The following EPHB1 variants were observed in gnomAD, a reference collection of about 807,000 sequenced individuals.
EPHB1 encodes EPH receptor B1.
In EPHB1, 30 loss-of-function variants were observed where a neutral mutation model predicts 94.4. That is an observed-to-expected ratio of 0.32 (90% CI 0.24 to 0.43). EPHB1 has a LOEUF of 0.43. Ranked by LOEUF, EPHB1 falls within the 20% of genes least tolerant of loss-of-function variation. The pLI is 1.00. For synonymous variants in EPHB1, 522 were observed against 489.1 expected (o/e 1.07, Z -0.89); for missense variants, 1,055 against 1,308.3 (o/e 0.81, Z 2.99).
chr3:135,041,596 C>T (rs1936845316), intron 3 of EPHB1, among the ~76,000 whole-genome samples: 1 of 152,068 alleles, frequency 6.6e-6, no homozygotes, highest in Admixed American at 6.5e-5. Context: ...GATTTGAGAC[C>T]CCAAATAGGA....
At chr3:134,988,664 C>G (rs1227266549) in intron 3 of EPHB1, among the ~76,000 whole-genome samples, 1 of 152,140 alleles carries the variant, frequency 6.6e-6, no homozygotes, top group Non-Finnish European at 1.5e-5. Context: ...TCAGGTAACC[C>G]TATCATGCGG....
At chr3:135,154,094 GC>G in intron 5 of EPHB1, 57 bp from the exon 6 acceptor site, 1 of 1,605,862 alleles carries the variant, frequency 6.2e-7, no homozygotes, top group South Asian at 1.1e-5. Context: ...CTGGAAGATG[GC>G]CCTTCCCCTA....
At chr3:134,854,020 GTTC>G (rs2037050819) in intron 1 of EPHB1, among the ~76,000 whole-genome samples, 2 of 152,148 alleles carry the variant, frequency 1.3e-5, no homozygotes, top group African/African-American at 4.8e-5. Flanking sequence ...AGGCACACAT[GTTC>G]TTCTCCTGCC....
intron 3 of EPHB1, among the ~76,000 whole-genome samples, chr3:134,952,989 C>A (rs933533146): frequency 2.6e-5 from 4 of 152,136 alleles, no homozygotes; most frequent in African/African-American, 9.7e-5. Flanking sequence ...CTTCAAAGGT[C>A]CTGATTCTTT....
chr3:135,048,211 TA>T (rs1217491898), intron 3 of EPHB1, among the ~76,000 whole-genome samples: 5 of 129,522 alleles, frequency 3.9e-5, no homozygotes, highest in African/African-American at 9.5e-5. Context: ...TTTCAAGTCT[TA>T]AAAAAAATAC....
At chr3:134,804,913 G>A (rs1191293516) in intron 1 of EPHB1, among the ~76,000 whole-genome samples, 5 of 152,236 alleles carry the variant, frequency 3.3e-5, no homozygotes, top group African/African-American at 9.6e-5. Context: ...GGAAAGGGCT[G>A]AGCAGGAGGA....
At chr3:134,863,539 T>C (rs1387264100) in intron 1 of EPHB1, among the ~76,000 whole-genome samples, 1 of 152,154 alleles carries the variant, frequency 6.6e-6, no homozygotes, top group Non-Finnish European at 1.5e-5. Context: ...AGAAATTAGG[T>C]AAAAGGAGAA....
At chr3:135,039,879 G>C (rs1936780364) in intron 3 of EPHB1, among the ~76,000 whole-genome samples, 1 of 152,214 alleles carries the variant, frequency 6.6e-6, no homozygotes, top group Non-Finnish European at 1.5e-5. Context: ...TGCAGTGGGG[G>C]GGCTGAAGGG....
intron 3 of EPHB1, among the ~76,000 whole-genome samples, chr3:135,099,012 CAAAAAAAAAAAA>C (rs34508563): frequency 1.6e-5 from 1 of 64,484 alleles, no homozygotes; most frequent in Non-Finnish European, 2.7e-5. Context: ...GACCCTGCCT[CAAAAAAAAAAAA>C]AAAAAAAAAA....
intron 15 of EPHB1, among the ~76,000 whole-genome samples, chr3:135,255,694 G>A (rs1275315027): frequency 6.6e-6 from 1 of 151,444 alleles, no homozygotes; most frequent in Non-Finnish European, 1.5e-5. Flanking sequence ...TGTTTATTCT[G>A]TTGACTTGGG....
intron 7 of EPHB1, among the ~76,000 whole-genome samples, chr3:135,164,990 T>C (rs1019658045): frequency 1.3e-5 from 2 of 152,216 alleles, no homozygotes; most frequent in Non-Finnish European, 2.9e-5. Flanking sequence ...AATTCAAATG[T>C]GATTGGCAGT....
chr3:134,900,080 A>G lies in EPHB1; in HGVS notation c.59-25736A>G, dbSNP rs1328939082. 2.6e-5 allele frequency among the ~76,000 whole-genome samples: 4 copies of G among 152,292 alleles called. No homozygotes were observed. The East Asian group carries it at 7.7e-4, about 29-fold the overall frequency. On this transcript the variant is annotated intron_variant, in intron 1 of 15. Coordinates refer to ENST00000398015, the MANE Select transcript of EPHB1 (RefSeq NM_004441.5). ...GTTAGAAGCGGGCTCTGGTTGCAGT[A>G]TATACTGAGGCTTTGGATTCTTGAG...
At chr3:135,048,259 C>CTTTTTTTTTTTTT (rs34135757) in intron 3 of EPHB1, among the ~76,000 whole-genome samples, 110 of 55,198 alleles carry the variant, frequency 2.0e-3, no homozygotes, top group East Asian at 5.1e-3. Context: ...TTTCTTTTTT[C>CTTTTTTTTTTTTT]TTTTTTTTTT....
chr3:134,908,773 G>A (rs1402881424), intron 1 of EPHB1, among the ~76,000 whole-genome samples: 1 of 152,110 alleles, frequency 6.6e-6, no homozygotes, highest in African/African-American at 2.4e-5. Flanking sequence ...GGAGGAAGGT[G>A]AGGGCAATGA....
At chr3:135,235,091 G>A (rs1943618553) in intron 12 of EPHB1, among the ~76,000 whole-genome samples, 1 of 152,160 alleles carries the variant, frequency 6.6e-6, no homozygotes, top group African/African-American at 2.4e-5. Flanking sequence ...TTTATTTTTT[G>A]TTAGTGCCTT....
Position 135,259,089 on chromosome 3 carries a change from A to C in EPHB1, c.2924A>C (p.Gln975Pro), listed in dbSNP as rs1933539361. ...ILNSIHSMRV[Q>P]ISQSPTAMA The stretch of plus-strand genomic sequence containing the variant: ...AACAGCATTCATTCTATGAGGGTCC[A>C]GATAAGTCAGTCACCAACGGCAATG... The change falls in exon 16 of 16, where the codon CAG (glutamine) becomes CCG (proline). Residue 975 changes from glutamine to proline, a missense_variant. Gln to Pro is a moderately conservative substitution (Grantham distance 76). Transcript: ENST00000398015. 1 of 1,610,138 alleles carries C rather than the reference A, an allele frequency of 6.2e-7. No homozygotes were observed. Among genetic ancestry groups the C allele is most frequent in the Non-Finnish European group, 8.5e-7 (1 of 1,178,366 alleles).
chr3:134,808,522 G>GGTGCCATT (rs1343161388), intron 1 of EPHB1, among the ~76,000 whole-genome samples: 1 of 152,024 alleles, frequency 6.6e-6, no homozygotes, highest in Non-Finnish European at 1.5e-5. Flanking sequence ...GCCATTGATA[G>GGTGCCATT]GCCACACCTA....
At chr3:134,957,375 T>C (rs1933317149) in intron 3 of EPHB1, among the ~76,000 whole-genome samples, 1 of 152,094 alleles carries the variant, frequency 6.6e-6, no homozygotes. Context: ...TTACTGGGAT[T>C]TGTAGACAGG....
At chr3:135,108,289 A>T (rs189657582) in intron 4 of EPHB1, among the ~76,000 whole-genome samples, 65 of 152,386 alleles carry the variant, frequency 4.3e-4, no homozygotes, top group Admixed American at 1.2e-3. Context: ...TGACAAGGCT[A>T]TAAAACATAT....
Sources: gnomAD v4.1 joint callset for allele counts (sites outside exome capture counted in the v4.1 genomes callset) on GRCh38, gnomAD v4.1.1 for gene constraint, MANE v1.5 for transcripts, NCBI Gene and HGNC (gene_info 2026-07-23, HGNC 2026-07-21) for gene names.